ANKRD12: variants seen among roughly 807,000 people sequenced by gnomAD.
The protein encoded by ANKRD12 is ankyrin repeat domain 12, also known as ankyrin repeat domain-containing protein 12.
A neutral mutation model predicts 183.4 loss-of-function variants in ANKRD12; 85 were observed. The observed-to-expected ratio is 0.46, with a 90% CI of 0.39 to 0.56. The LOEUF is 0.56. Ranked by LOEUF, ANKRD12 falls within the 20% of genes least tolerant of loss-of-function variation. The probability of loss-of-function intolerance (pLI) is 0.00; values close to 1 mark genes in which losing one functional copy is unlikely to be tolerated. For missense variants in ANKRD12, 2,405 were observed against 2,357.1 expected (o/e 1.02, Z -0.42); for synonymous variants, 914 against 800.2 (o/e 1.14, Z -2.40).
chr18:9,188,741 T>C (rs2034266187), intron 2 of ANKRD12, among the ~76,000 whole-genome samples: 1 of 152,236 alleles, frequency 6.6e-6, no homozygotes, highest in South Asian at 2.1e-4. Flanking sequence ...TTCATTATCA[T>C]GATGATGATT....
chr18:9,238,757 G>A (rs889408973), intron 8 of ANKRD12, among the ~76,000 whole-genome samples: 4 of 152,170 alleles, frequency 2.6e-5, no homozygotes, highest in Non-Finnish European at 5.9e-5. Context: ...TCCTTTGAAC[G>A]TTTTTGTCCA....
intron 2 of ANKRD12, among the ~76,000 whole-genome samples, chr18:9,194,033 GT>G (rs1478713148): frequency 1.3e-5 from 2 of 152,070 alleles, no homozygotes; most frequent in Admixed American, 6.6e-5. Context: ...TCCATTTCTG[GT>G]TTTCTGATTT....
At chr18:9,234,967 G>C (rs1465395003) in intron 8 of ANKRD12, among the ~76,000 whole-genome samples, 5 of 152,284 alleles carry the variant, frequency 3.3e-5, no homozygotes, top group African/African-American at 1.2e-4. Context: ...CAAGTAGGCT[G>C]CTTGGTTCCT....
intron 3 of ANKRD12, among the ~76,000 whole-genome samples, chr18:9,198,922 G>A (rs963445307): frequency 1.3e-5 from 2 of 152,040 alleles, no homozygotes; most frequent in Admixed American, 1.3e-4. Context: ...AAAAAATCAG[G>A]AAAATTGTGT....
intron 8 of ANKRD12, among the ~76,000 whole-genome samples, chr18:9,229,828 C>T (rs141865650): frequency 3.5e-4 from 54 of 152,200 alleles, no homozygotes; most frequent in African/African-American, 1.2e-3. Flanking sequence ...TCCATTTGAT[C>T]ATGTTGTATT....
intron 8 of ANKRD12, among the ~76,000 whole-genome samples, chr18:9,251,533 C>T (rs950841577): frequency 6.6e-6 from 1 of 152,078 alleles, no homozygotes; most frequent in Non-Finnish European, 1.5e-5. Flanking sequence ...GTGGCTCACA[C>T]CTGTAATCCC....
intron 8 of ANKRD12, among the ~76,000 whole-genome samples, chr18:9,223,339 C>T (rs569090716): frequency 2.0e-5 from 3 of 151,844 alleles, no homozygotes; most frequent in East Asian, 1.9e-4. Context: ...CTGCAAGCTC[C>T]GCCTCCCGGG....
rs1488629277 is a variant in ANKRD12 at position 9,155,545 on chromosome 18, C to T, written c.-52+18580C>T. Among the ~76,000 whole-genome samples the T allele has an allele frequency of 2.6e-5, 4 of 152,210 alleles. 1 individual carries two copies. The highest frequency in any genetic ancestry group is 5.9e-5 in the Non-Finnish European group (4 of 68,038). On this transcript the variant is annotated intron_variant, in intron 1 of 12. Coordinates refer to ENST00000262126, the MANE Select transcript of ANKRD12 (RefSeq NM_015208.5). ...AATTTTTATGGTTTCTGCCAAATAC[C>T]TCTCCAAGGAGAATATATCCCAATT...
intron 1 of ANKRD12, among the ~76,000 whole-genome samples, chr18:9,177,443 T>C (rs2033362749): frequency 6.6e-6 from 1 of 152,166 alleles, no homozygotes; most frequent in Admixed American, 6.5e-5. Context: ...ATTAATCGTT[T>C]AATTGACCCA....
chr18:9,240,997 GTACT>G (rs1197243643), intron 8 of ANKRD12, among the ~76,000 whole-genome samples: 4 of 151,944 alleles, frequency 2.6e-5, no homozygotes, highest in Admixed American at 6.5e-5. Flanking sequence ...ACAACTGTTG[GTACT>G]TACTTACAAT....
intron 3 of ANKRD12, among the ~76,000 whole-genome samples, chr18:9,201,474 T>A (rs1408632475): frequency 1.3e-5 from 2 of 152,346 alleles, no homozygotes; most frequent in East Asian, 1.9e-4. Flanking sequence ...CTTTGCAGAT[T>A]GTGATGTTTG....
At chr18:9,217,433 C>T (rs560677936) in intron 7 of ANKRD12, among the ~76,000 whole-genome samples, 1 of 152,044 alleles carries the variant, frequency 6.6e-6, no homozygotes, top group African/African-American at 2.4e-5. Flanking sequence ...AAAAAAGACA[C>T]TACATGTAAA....
chr18:9,252,833 T>A (rs1407053395), intron 8 of ANKRD12, among the ~76,000 whole-genome samples: 2 of 152,138 alleles, frequency 1.3e-5, no homozygotes, highest in African/African-American at 2.4e-5. Flanking sequence ...AAACACATAA[T>A]TTGTGATGTT....
intron 5 of ANKRD12, 23 bp from the exon 6 acceptor site, chr18:9,211,561 G>T: frequency 5.6e-6 from 9 of 1,603,776 alleles, no homozygotes; most frequent in Non-Finnish European, 6.8e-6. Flanking sequence ...TAGAACTTCT[G>T]CTAACTTTCT....
At chr18:9,223,747 A>G (rs1202637102) in intron 8 of ANKRD12, among the ~76,000 whole-genome samples, 5 of 152,224 alleles carry the variant, frequency 3.3e-5, no homozygotes, top group South Asian at 2.1e-4. Flanking sequence ...AACCAGAAAC[A>G]GAATACTGAA....
At chr18:9,172,698 A>G (rs1417127457) in intron 1 of ANKRD12, among the ~76,000 whole-genome samples, 1 of 152,052 alleles carries the variant, frequency 6.6e-6, no homozygotes, top group African/African-American at 2.4e-5. Flanking sequence ...ATTATCACCC[A>G]CCTTCTGAAG....
intron 1 of ANKRD12, among the ~76,000 whole-genome samples, chr18:9,143,758 C>T (rs572327281): frequency 8.5e-5 from 13 of 152,338 alleles, no homozygotes; most frequent in African/African-American, 2.4e-4. Context: ...CCACTCTCTG[C>T]GGAGCATTCT....
chr18:9,216,982 C>G, intron 7 of ANKRD12, 82 bp downstream of exon 7: 1 of 1,326,448 alleles, frequency 7.5e-7, no homozygotes, highest in Non-Finnish European at 1.0e-6. Flanking sequence ...ACTTCTTAGT[C>G]ATATGATCTG....
At chr18:9,150,055 A>G (rs2078634696) in intron 1 of ANKRD12, among the ~76,000 whole-genome samples, 1 of 152,104 alleles carries the variant, frequency 6.6e-6, no homozygotes, top group African/African-American at 2.4e-5. Context: ...CGGCCTCACA[A>G]AGTGCTGGGA....
Sources: allele counts gnomAD v4.1 joint callset (sites outside exome capture counted in the v4.1 genomes callset), GRCh38; gene constraint gnomAD v4.1.1; transcripts MANE v1.5; gene names NCBI Gene and HGNC (gene_info 2026-07-23, HGNC 2026-07-21).